Variants in KAZN observed in about 807,000 individuals in gnomAD.
KAZN encodes the protein kazrin, periplakin interacting protein.
A neutral mutation model predicts 87.4 loss-of-function variants in KAZN; 40 were observed. That is an observed-to-expected ratio of 0.46 (90% CI 0.36 to 0.60). The LOEUF is 0.60. Among genes scored for constraint, KAZN ranks in the 20% least tolerant of loss-of-function variants. KAZN has a pLI of 0.00. For synonymous variants in KAZN, 466 were observed against 458.3 expected, an observed-to-expected ratio of 1.02 and a Z score of -0.22; for missense variants, 898 against 1,073.9, an observed-to-expected ratio of 0.84 and a Z score of 2.29.
chr1:14,656,090 G>T (rs2148706132), intron 1 of KAZN, among the ~76,000 whole-genome samples: 1 of 152,204 alleles, frequency 6.6e-6, no homozygotes, highest in East Asian at 1.9e-4. Flanking sequence ...ACAGGATGGG[G>T]GCTCAGATGT....
intron 1 of KAZN, among the ~76,000 whole-genome samples, chr1:13,953,771 T>TC (rs1186798702): frequency 6.6e-6 from 1 of 152,220 alleles, no homozygotes; most frequent in Non-Finnish European, 1.5e-5. Flanking sequence ...ATCATTTTCT[T>TC]CTAAAGCTCT....
At chr1:14,458,477 T>C (rs148714578) in intron 2 of KAZN, among the ~76,000 whole-genome samples, 27 of 152,344 alleles carry the variant, frequency 1.8e-4, no homozygotes, top group Non-Finnish European at 3.5e-4. Context: ...GCCAGTGCTA[T>C]GACAAACAGC....
chr1:14,623,323 A>G (rs952222242), intron 1 of KAZN, among the ~76,000 whole-genome samples: 1 of 152,254 alleles, frequency 6.6e-6, no homozygotes, highest in Non-Finnish European at 1.5e-5. Context: ...TTGCAGCCAC[A>G]TAGATGGAAC....
Position 14,405,616 on chromosome 1 carries a change from G to A in KAZN, c.250-193367G>A, listed in dbSNP as rs896313111. On this transcript the variant is annotated intron_variant, in intron 2 of 16. Coordinates refer to the KAZN transcript ENST00000636203. ...AACAGACCCAATAAAATGTGTGTGT[G>A]TGTGTGTGTGTGTGTGTGTGTGTGT... 5.0e-3 allele frequency among the ~76,000 whole-genome samples: 755 copies of A among 150,596 alleles called. 3 individuals are homozygous for A. The highest frequency in any genetic ancestry group is 0.017 in the African/African-American group (692 of 40,704).
chr1:13,923,827 G>A (rs1640165561), intron 1 of KAZN, among the ~76,000 whole-genome samples: 1 of 152,156 alleles, frequency 6.6e-6, no homozygotes, highest in Non-Finnish European at 1.5e-5. Flanking sequence ...TCAAAGCTGT[G>A]TTGTTTGAGG....
intron 1 of KAZN, among the ~76,000 whole-genome samples, chr1:14,135,763 A>G (rs1284707015): frequency 1.3e-5 from 2 of 152,230 alleles, no homozygotes; most frequent in Non-Finnish European, 2.9e-5. Flanking sequence ...CCAAACTGGA[A>G]TTAATTCTAA....
chr1:14,607,724 G>A (rs10803289), intron 1 of KAZN, among the ~76,000 whole-genome samples: 111,699 of 151,984 alleles, frequency 0.73, 41,559 homozygotes, highest in Non-Finnish European at 0.8. Flanking sequence ...AATCGCAGAG[G>A]GGACTTGACT....
chr1:13,982,575 T>G (rs12072211), intron 1 of KAZN, among the ~76,000 whole-genome samples: 26,416 of 152,222 alleles, frequency 0.17, 2,539 homozygotes, highest in African/African-American at 0.23. Flanking sequence ...TCGGGCAGCC[T>G]GCTTTTATTC....
chr1:14,714,316 A>G (rs893076930), intron 1 of KAZN, among the ~76,000 whole-genome samples: 4 of 152,138 alleles, frequency 2.6e-5, no homozygotes, highest in Non-Finnish European at 4.4e-5. Context: ...GTATTAGAGT[A>G]TCCTTGTTCT....
At chr1:14,630,493 C>T (rs1359547180) in intron 1 of KAZN, among the ~76,000 whole-genome samples, 1 of 152,040 alleles carries the variant, frequency 6.6e-6, no homozygotes, top group Non-Finnish European at 1.5e-5. Context: ...TCAAGACCAG[C>T]CTGGGCAATA....
At chr1:15,107,334 T>C (rs1641331065) in intron 13 of KAZN, among the ~76,000 whole-genome samples, 1 of 152,180 alleles carries the variant, frequency 6.6e-6, no homozygotes. Flanking sequence ...CCTTTTTTAA[T>C]AGATCTCTGA....
intron 2 of KAZN, among the ~76,000 whole-genome samples, chr1:14,408,297 C>T (rs1664030164): frequency 6.6e-6 from 1 of 152,080 alleles, no homozygotes; most frequent in Admixed American, 6.6e-5. Context: ...AGCCTTATTG[C>T]AAGTCTGTTG....
chr1:14,532,555 G>C (rs1458942771), intron 2 of KAZN, among the ~76,000 whole-genome samples: 1 of 150,166 alleles, frequency 6.7e-6, no homozygotes. Context: ...TGCCATGTTG[G>C]TGTGCTGCAC....
chr1:14,486,623 GAT>G (rs1669362663), intron 2 of KAZN, among the ~76,000 whole-genome samples: 1 of 152,182 alleles, frequency 6.6e-6, no homozygotes, highest in Admixed American at 6.5e-5. Flanking sequence ...ATCCACAAAA[GAT>G]AATGCGTAGT....
At chr1:14,634,587 G>A (rs16850635) in intron 1 of KAZN, among the ~76,000 whole-genome samples, 52,620 of 152,044 alleles carry the variant, frequency 0.35, 9,564 homozygotes, top group African/African-American at 0.45. Flanking sequence ...TCTCGGCCAC[G>A]TTCTGTGGGT....
intron 1 of KAZN, among the ~76,000 whole-genome samples, chr1:13,979,699 C>T (rs1393411222): frequency 2.0e-5 from 3 of 152,026 alleles, no homozygotes; most frequent in African/African-American, 4.8e-5. Flanking sequence ...GAGGCCGAGG[C>T]GGGCGGATCA....
At chr1:14,426,975 C>G (rs1039799616) in intron 2 of KAZN, among the ~76,000 whole-genome samples, 11 of 152,200 alleles carry the variant, frequency 7.2e-5, no homozygotes, top group African/African-American at 2.7e-4. Context: ...AGGCACAGAG[C>G]TAGGTACTGG....
At chr1:14,791,326 C>T (rs1462523321) in intron 1 of KAZN, among the ~76,000 whole-genome samples, 1 of 152,180 alleles carries the variant, frequency 6.6e-6, no homozygotes, top group Non-Finnish European at 1.5e-5. Context: ...GTCGCCAACA[C>T]CTGCACACGA....
intron 1 of KAZN, among the ~76,000 whole-genome samples, chr1:14,778,393 G>GA (rs34655175): frequency 1.1e-3 from 144 of 136,390 alleles, no homozygotes; most frequent in East Asian, 2.2e-3. Flanking sequence ...TAACCCTTAA[G>GA]AAAAAAAAAA....
Sources: allele counts gnomAD v4.1 joint callset (sites outside exome capture counted in the v4.1 genomes callset), GRCh38; gene constraint gnomAD v4.1.1; transcripts MANE v1.5; gene names NCBI Gene and HGNC (gene_info 2026-07-23, HGNC 2026-07-21).